ITGA1: variants seen among roughly 807,000 people sequenced by gnomAD.
ITGA1 encodes the protein integrin subunit alpha 1.
Under a neutral mutation model 145.9 loss-of-function variants are expected in ITGA1, and 85 were observed. That is an observed-to-expected ratio of 0.58 (90% CI 0.49 to 0.70). ITGA1 has a LOEUF of 0.70. Ranked by LOEUF, ITGA1 falls within the 30% of genes least tolerant of loss-of-function variation. The pLI is 0.00. For synonymous variants in ITGA1, 520 were observed against 495.3 expected, an observed-to-expected ratio of 1.05 and a Z score of -0.66; for missense variants, 1,351 against 1,418.7, an observed-to-expected ratio of 0.95 and a Z score of 0.77.
chr5:52,801,782 G>A (rs762201666), intron 1 of ITGA1: 2 of 1,613,938 alleles, frequency 1.2e-6, no homozygotes, highest in South Asian at 1.1e-5. Context: ...GCCATTCTCC[G>A]CTTCCCTGTT....
chr5:52,865,926 G>T, intron 6 of ITGA1, 109 bp downstream of exon 6: 4 of 852,604 alleles, frequency 4.7e-6, no homozygotes, highest in Non-Finnish European at 6.8e-6. Context: ...CTAAAGTTGA[G>T]AATGAATTTT....
At chr5:52,848,540 T>G (rs142244196) in intron 1 of ITGA1, among the ~76,000 whole-genome samples, 99 of 152,358 alleles carry the variant, frequency 6.5e-4, no homozygotes, top group African/African-American at 2.2e-3. Context: ...ATTTGTGTTC[T>G]TTAAAGTCAT....
intron 1 of ITGA1, among the ~76,000 whole-genome samples, chr5:52,830,738 G>C (rs1193945370): frequency 3.3e-5 from 5 of 152,134 alleles, no homozygotes; most frequent in African/African-American, 1.2e-4. Context: ...ATGTTACAGG[G>C]TTTGGCTTTG....
intron 6 of ITGA1, among the ~76,000 whole-genome samples, chr5:52,867,478 G>A (rs951659802): frequency 6.6e-6 from 1 of 152,154 alleles, no homozygotes; most frequent in Non-Finnish European, 1.5e-5. Context: ...GAAATTACTA[G>A]TGGATGGTAG....
chr5:52,911,657 T>TACTATATATAGTGTATCTACTATATAC (rs1750540712), intron 14 of ITGA1, among the ~76,000 whole-genome samples: 1 of 55,280 alleles, frequency 1.8e-5, no homozygotes, highest in Admixed American at 2.2e-4. Flanking sequence ...CTACTATATA[T>TACTATATATAGTGTATCTACTATATAC]ACTATACATA....
chr5:52,932,343 G>A, intron 22 of ITGA1: 1 of 507,694 alleles, frequency 2.0e-6, no homozygotes, highest in Non-Finnish European at 3.5e-6. Context: ...CCTAATGTTT[G>A]AGAACCATTA....
chr5:52,934,700 C>T (rs1282056154), intron 23 of ITGA1, among the ~76,000 whole-genome samples: 2 of 151,698 alleles, frequency 1.3e-5, no homozygotes, highest in Admixed American at 6.6e-5. Flanking sequence ...AAAGAGAGCA[C>T]AATTCAAATA....
intron 1 of ITGA1, among the ~76,000 whole-genome samples, chr5:52,806,617 T>C (rs1481241809): frequency 2.0e-5 from 3 of 152,130 alleles, no homozygotes; most frequent in African/African-American, 2.4e-5. Context: ...GTGTGTGATA[T>C]ATATCACCAT....
intron 1 of ITGA1, among the ~76,000 whole-genome samples, chr5:52,838,278 T>C (rs1240856474): frequency 1.3e-5 from 2 of 152,154 alleles, no homozygotes; most frequent in Non-Finnish European, 2.9e-5. Flanking sequence ...ACTGAGACAT[T>C]GAGAAAAATA....
chr5:52,825,184 A>G (rs1395547976), intron 1 of ITGA1: 1 of 152,208 alleles, frequency 6.6e-6, no homozygotes, highest in African/African-American at 2.4e-5. Context: ...AATATTTCAT[A>G]TAAATGAAAT....
intron 14 of ITGA1, among the ~76,000 whole-genome samples, chr5:52,912,166 G>A (rs115055640): frequency 0.07 from 9,465 of 135,270 alleles, 521 homozygotes; most frequent in Non-Finnish European, 0.11. Flanking sequence ...TATATATAGC[G>A]TATCTAGTAT....
At position 52,909,016 on chromosome 5, in the gene ITGA1, A is replaced by G; in HGVS notation, c.1574A>G (p.Lys525Arg). The G allele has an allele frequency of 6.2e-7, 1 of 1,613,900 alleles. No homozygotes were observed. Among genetic ancestry groups the G allele is most frequent in the Non-Finnish European group, 8.5e-7 (1 of 1,179,858 alleles). Residue 525 changes from lysine (K) to arginine (R), a missense_variant, in exon 13 of 29, where the codon AAA (lysine) becomes AGA (arginine). Physicochemically the swap from Lys to Arg is conservative, Grantham distance 26. Coordinates refer to ENST00000282588, the MANE Select transcript of ITGA1 (RefSeq NM_181501.2). Reference sequence around the variant, plus strand: ...GGAACAGAGAAGGAGGAGCAAGGAAAAGTGTATGTGTATGCTCTCAATCAG... The same window carrying G: ...GGAACAGAGAAGGAGGAGCAAGGAAGAGTGTATGTGTATGCTCTCAATCAG... The part of the protein sequence containing the change: ...YMGTEKEEQG[K>R]VYVYALNQTR...
At chr5:52,832,775 G>GTGTGTGTGTGTGTC (rs1554042252) in intron 1 of ITGA1, among the ~76,000 whole-genome samples, 74 of 110,014 alleles carry the variant, frequency 6.7e-4, no homozygotes, top group Middle Eastern at 4.5e-3. Flanking sequence ...CTGTGTGTGT[G>GTGTGTGTGTGTGTC]TGTGTGTGTG....
chr5:52,823,016 G>A (rs1449699439), intron 1 of ITGA1, among the ~76,000 whole-genome samples: 3 of 152,082 alleles, frequency 2.0e-5, no homozygotes, highest in Non-Finnish European at 4.4e-5. Flanking sequence ...AGGACACATC[G>A]AGTTTGTATT....
chr5:52,825,612 A>G (rs535204223), intron 1 of ITGA1, among the ~76,000 whole-genome samples: 2 of 152,258 alleles, frequency 1.3e-5, no homozygotes, highest in East Asian at 1.9e-4. Context: ...CCTGAGGCAC[A>G]AAAGTATTGA....
intron 1 of ITGA1, among the ~76,000 whole-genome samples, chr5:52,814,926 C>T (rs1748741560): frequency 6.6e-6 from 1 of 152,164 alleles, no homozygotes; most frequent in African/African-American, 2.4e-5. Flanking sequence ...GGGGTTACCT[C>T]AGGCCACTTA....
intron 1 of ITGA1, chr5:52,800,107 C>A (rs377327360): frequency 2.6e-5 from 10 of 384,880 alleles, no homozygotes; most frequent in African/African-American, 1.9e-4. Context: ...TTTCGTCAGC[C>A]CGCTGTTGCG....
intron 6 of ITGA1, among the ~76,000 whole-genome samples, chr5:52,880,012 C>G (rs1388010952): frequency 1.3e-5 from 2 of 152,196 alleles, no homozygotes; most frequent in African/African-American, 2.4e-5. Flanking sequence ...ATCATATACT[C>G]TAACATATCT....
At chr5:52,922,113 C>CA (rs768658750) in intron 17 of ITGA1, among the ~76,000 whole-genome samples, 6 of 152,140 alleles carry the variant, frequency 3.9e-5, no homozygotes, top group Middle Eastern at 3.4e-3. Context: ...CCAGCCTGGC[C>CA]AACGTGGTGA....
Sources: allele counts gnomAD v4.1 joint callset (sites outside exome capture counted in the v4.1 genomes callset), GRCh38; gene constraint gnomAD v4.1.1; transcripts MANE v1.5; gene names NCBI Gene and HGNC (gene_info 2026-07-23, HGNC 2026-07-21).